CDKN2B-AS1: variants seen among roughly 807,000 people sequenced by gnomAD.
CDKN2B-AS1 encodes the protein CDKN2B antisense RNA 1 (non-protein coding).
intron 4 of CDKN2B-AS1, among the ~76,000 whole-genome samples, chr9:22,104,845 TC>T (rs1433482710): frequency 2.6e-5 from 4 of 152,196 alleles, no homozygotes; most frequent in Non-Finnish European, 5.9e-5. Context: ...ATAATAGTGC[TC>T]TAATAAGAGC....
rs1054767605 is a variant in CDKN2B-AS1 at position 21,997,482 on chromosome 9, A to G, written n.29+2321A>G. On this transcript the variant is annotated intron_variant and non_coding_transcript_variant, in intron 1 of 4. Coordinates refer to ENST00000650946, the Ensembl canonical transcript of CDKN2B-AS1. This position sits in a 1 kb window ranked among gnomAD's most constrained non-coding sequence, Gnocchi z 4.8. Reference sequence around the variant, plus strand: ...GTGGGGGAGAGAAAGAGAGGGAGGGAGAGAGAGAGAGAGAGAGAGAGAAAG... The same window carrying G: ...GTGGGGGAGAGAAAGAGAGGGAGGGGGAGAGAGAGAGAGAGAGAGAGAAAG... Among the ~76,000 whole-genome samples the G allele has an allele frequency of 3.4e-5, 5 of 147,966 alleles. No homozygotes were observed. Among genetic ancestry groups the G allele is most frequent in the African/African-American group, 7.5e-5 (3 of 39,906 alleles).
At chr9:22,067,238 A>C (rs1824080967) in intron 4 of CDKN2B-AS1, among the ~76,000 whole-genome samples, 1 of 152,174 alleles carries the variant, frequency 6.6e-6, no homozygotes, top group Non-Finnish European at 1.5e-5. Context: ...ACCACTGCAC[A>C]ATCTCTAGTA....
chr9:22,009,486 C>A (rs548344971), intron 1 of CDKN2B-AS1: 192 of 247,002 alleles, frequency 7.8e-4, no homozygotes, highest in African/African-American at 4.2e-3. Context: ...GAGACTGGGC[C>A]AGGGAGCCGC....
chr9:22,029,637 A>G, intron 1 of CDKN2B-AS1: 1 of 565,952 alleles, frequency 1.8e-6, no homozygotes, highest in Non-Finnish European at 3.2e-6. Context: ...GGTCTGTGTG[A>G]TAAAAGAAGA....
intron 1 of CDKN2B-AS1, chr9:22,012,415 G>C: frequency 1.3e-6 from 1 of 776,368 alleles, no homozygotes; most frequent in Non-Finnish European, 2.3e-6. Context: ...AGCTCACCTA[G>C]AAATACAGCT....
At chr9:22,107,164 C>G (rs559999159) in intron 4 of CDKN2B-AS1, among the ~76,000 whole-genome samples, 1 of 152,174 alleles carries the variant, frequency 6.6e-6, no homozygotes, top group Admixed American at 6.5e-5. Context: ...TTGAGAAATA[C>G]TGAGACATCT....
At chr9:22,121,754 T>A (rs1219672900) in intron 4 of CDKN2B-AS1, among the ~76,000 whole-genome samples, 1 of 152,144 alleles carries the variant, frequency 6.6e-6, no homozygotes, top group Non-Finnish European at 1.5e-5. Context: ...TAATAGTATT[T>A]CATTGTGTAT....
intron 1 of CDKN2B-AS1, among the ~76,000 whole-genome samples, chr9:22,035,618 G>T (rs1587436288): frequency 6.6e-6 from 1 of 152,060 alleles, no homozygotes; most frequent in African/African-American, 2.4e-5. Context: ...TGGAATGTTG[G>T]CACCAATATA....
At chr9:22,084,458 G>A (rs980036881) in intron 4 of CDKN2B-AS1, among the ~76,000 whole-genome samples, 12 of 152,194 alleles carry the variant, frequency 7.9e-5, no homozygotes, top group African/African-American at 2.9e-4. Flanking sequence ...AGAAGAGTTT[G>A]TGTACTTCCC....
chr9:22,111,412 TCTGA>T, intron 4 of CDKN2B-AS1, among the ~76,000 whole-genome samples: 1 of 152,256 alleles, frequency 6.6e-6, no homozygotes, highest in Admixed American at 6.6e-5. Flanking sequence ...CAAAGCTCAG[TCTGA>T]CTAATGCCTT....
intron 1 of CDKN2B-AS1, chr9:22,012,065 A>C: frequency 1.7e-6 from 1 of 604,522 alleles, no homozygotes; most frequent in Non-Finnish European, 3.0e-6. Context: ...TAGTTGGTGA[A>C]ATTGTCTGTA....
chr9:22,042,353 A>G (rs943949299), intron 1 of CDKN2B-AS1, among the ~76,000 whole-genome samples: 3 of 152,138 alleles, frequency 2.0e-5, no homozygotes, highest in African/African-American at 2.4e-5. Context: ...TCTATGAACA[A>G]TTATAATATT....
At chr9:22,091,135 G>A (rs1220003563) in intron 4 of CDKN2B-AS1, among the ~76,000 whole-genome samples, 1 of 152,148 alleles carries the variant, frequency 6.6e-6, no homozygotes, top group Non-Finnish European at 1.5e-5. Context: ...TCAGATTGTT[G>A]TAGATATGTG....
At chr9:22,052,161 T>A (rs1229474867) in intron 3 of CDKN2B-AS1, among the ~76,000 whole-genome samples, 12 of 152,174 alleles carry the variant, frequency 7.9e-5, no homozygotes. Flanking sequence ...ATTTTAATAG[T>A]TTCCCCCAAT....
intron 4 of CDKN2B-AS1, chr9:22,058,338 C>T (rs527703497): frequency 4.3e-4 from 66 of 152,232 alleles, no homozygotes; most frequent in African/African-American, 1.5e-3. Context: ...ACTTTTTTCC[C>T]TTACATTCAT....
At chr9:22,037,918 C>T (rs1432779431) in intron 1 of CDKN2B-AS1, among the ~76,000 whole-genome samples, 1 of 151,784 alleles carries the variant, frequency 6.6e-6, no homozygotes, top group Non-Finnish European at 1.5e-5. Context: ...AAATGAATAT[C>T]CTAGAGAATA....
At position 22,125,998 on chromosome 9, in the gene CDKN2B-AS1, C is replaced by T. The variant is rs554940526; in HGVS notation, n.439-1105C>T. ...TCAGAAAAAACTACTTACAGTTGAT[C>T]CTTGAATAATGCAGCAGGTAGGGGC... is the stretch of plus-strand genomic sequence containing the variant. On this transcript the variant is annotated intron_variant and non_coding_transcript_variant, in intron 4 of 4. Coordinates refer to ENST00000650946, the Ensembl canonical transcript of CDKN2B-AS1. Among the ~76,000 whole-genome samples the T allele has an allele frequency of 4.8e-4, 73 of 152,152 alleles. 1 individual carries two copies. Among genetic ancestry groups the T allele is most frequent in the Non-Finnish European group, 9.4e-4 (64 of 68,020 alleles).
chr9:22,029,481 T>G, intron 1 of CDKN2B-AS1: 1 of 779,654 alleles, frequency 1.3e-6, no homozygotes, highest in African/African-American at 1.7e-5. Flanking sequence ...AATATTGGTG[T>G]CCATGCTGTG....
chr9:22,008,947 CG>C (rs1311847146), intron 1 of CDKN2B-AS1: 1 of 1,612,996 alleles, frequency 6.2e-7, no homozygotes, highest in South Asian at 1.1e-5. Context: ...TTGTTCTCCT[CG>C]CGCATTCCGC....
Sources: allele counts gnomAD v4.1 joint callset (sites outside exome capture counted in the v4.1 genomes callset), GRCh38; gene constraint gnomAD v4.1.1; non-coding constraint Gnocchi (gnomAD v3.1); transcripts MANE v1.5; gene names NCBI Gene and HGNC (gene_info 2026-07-23, HGNC 2026-07-21).